The following SDK1 variants were observed in gnomAD, a reference collection of about 807,000 sequenced individuals.
The protein encoded by SDK1 is protein sidekick-1.
A neutral mutation model predicts 245.5 loss-of-function variants in SDK1; 157 were observed. That is an observed-to-expected ratio of 0.64 (90% CI 0.56 to 0.73). SDK1 has a LOEUF of 0.73. Ranked by LOEUF, SDK1 falls within the 30% of genes least tolerant of loss-of-function variation. The pLI is 0.00. For missense variants in SDK1, 3,583 were observed against 3,002.3 expected (o/e 1.19, Z -4.52); for synonymous variants, 1,647 against 1,278.5 (o/e 1.29, Z -6.15).
rs540676418 is a variant in SDK1 at position 3,808,858 on chromosome 7, A to T, written c.714-12592A>T. 3.3e-5 allele frequency among the ~76,000 whole-genome samples: 5 copies of T among 152,312 alleles called. No homozygotes were observed. The South Asian group carries it at 1.0e-3, about 32-fold the overall frequency. ...GTAGTAGCGTTCAGAAAGAAAAAAA[A>T]ATCATTAAAAATTGGATTTTCATAT... On this transcript the variant is annotated intron_variant, in intron 4 of 44. Coordinates refer to ENST00000404826, the MANE Select transcript of SDK1 (RefSeq NM_152744.4).
intron 17 of SDK1, among the ~76,000 whole-genome samples, chr7:4,048,457 G>A (rs147462896): frequency 1.1e-3 from 171 of 152,196 alleles, no homozygotes; most frequent in African/African-American, 4.0e-3. Context: ...AGCGAGACCC[G>A]CGCACTGTCA....
chr7:3,801,948 G>C (rs1779117234), intron 4 of SDK1, among the ~76,000 whole-genome samples: 1 of 152,202 alleles, frequency 6.6e-6, no homozygotes, highest in Non-Finnish European at 1.5e-5. Flanking sequence ...TTTTAGTTTA[G>C]ACTTTCTGCT....
intron 1 of SDK1, among the ~76,000 whole-genome samples, chr7:3,358,222 A>G (rs1010769987): frequency 3.3e-5 from 5 of 152,048 alleles, no homozygotes; most frequent in Non-Finnish European, 5.9e-5. Flanking sequence ...GGGTTTCACC[A>G]TGTTGGCCAG....
chr7:3,531,639 C>T (rs1027321274), intron 1 of SDK1, among the ~76,000 whole-genome samples: 2 of 152,120 alleles, frequency 1.3e-5, no homozygotes, highest in African/African-American at 4.8e-5. Context: ...ATCAGCCATA[C>T]TATTTTCTCC....
intron 1 of SDK1, among the ~76,000 whole-genome samples, chr7:3,306,618 A>C (rs1779423088): frequency 1.3e-5 from 2 of 152,180 alleles, no homozygotes; most frequent in South Asian, 4.1e-4. Context: ...GGGCCCTCAA[A>C]TACTGAGATA....
At chr7:4,029,351 T>C (rs10235315) in intron 17 of SDK1, among the ~76,000 whole-genome samples, 46,724 of 151,484 alleles carry the variant, frequency 0.31, 11,144 homozygotes, top group African/African-American at 0.67. Flanking sequence ...GCTGGGATTA[T>C]GGGCACGTGC....
chr7:4,211,378 C>T (rs917878445), intron 38 of SDK1, among the ~76,000 whole-genome samples: 1 of 151,652 alleles, frequency 6.6e-6, no homozygotes, highest in Non-Finnish European at 1.5e-5. Context: ...GTGAGGAGGC[C>T]GGCCGGGGCT....
intron 23 of SDK1, among the ~76,000 whole-genome samples, chr7:4,112,758 AT>A (rs10637008): frequency 0.014 from 2,108 of 147,016 alleles, 64 homozygotes; most frequent in African/African-American, 0.049. Context: ...TGCAATTTGC[AT>A]TTTTTTTTTT....
rs570145990 is a variant in SDK1, at chr7:3,428,247, GAA to G, written c.298+126364_298+126365del. On this transcript the variant is annotated intron_variant, in intron 1 of 44. Transcript: ENST00000404826. The stretch of plus-strand genomic sequence containing the variant: ...ATTGGTGCACTGAATAGCTAGTGGT[GAA>G]GTTTCTTTTATGTAATTATTATTGA... Among the ~76,000 whole-genome samples the G allele has an allele frequency of 4.1e-3, 626 of 152,284 alleles. 8 individuals are homozygous for G. The highest frequency in any genetic ancestry group is 0.018 in the South Asian group (89 of 4,822).
At chr7:3,417,314 C>G (rs1779401219) in intron 1 of SDK1, among the ~76,000 whole-genome samples, 1 of 152,194 alleles carries the variant, frequency 6.6e-6, no homozygotes, top group South Asian at 2.1e-4. Context: ...TGCCCCTGCC[C>G]ACCTCTCCAG....
chr7:3,676,863 C>T (rs150624459), intron 4 of SDK1, among the ~76,000 whole-genome samples: 21 of 152,294 alleles, frequency 1.4e-4, no homozygotes, highest in Non-Finnish European at 2.2e-4. Flanking sequence ...CTCCATTGGT[C>T]TGTGTGTCTA....
intron 5 of SDK1, among the ~76,000 whole-genome samples, chr7:3,867,867 T>C (rs1322252779): frequency 6.6e-6 from 1 of 152,228 alleles, no homozygotes; most frequent in Non-Finnish European, 1.5e-5. Flanking sequence ...TGACTATGCA[T>C]GGATCTCTGC....
At chr7:3,836,959 G>C (rs570284648) in intron 5 of SDK1, among the ~76,000 whole-genome samples, 2 of 152,038 alleles carry the variant, frequency 1.3e-5, no homozygotes, top group African/African-American at 2.4e-5. Flanking sequence ...TGGCCTCTCT[G>C]GGCATTGGGG....
intron 1 of SDK1, among the ~76,000 whole-genome samples, chr7:3,409,020 T>C (rs1408025056): frequency 6.6e-6 from 1 of 152,230 alleles, no homozygotes; most frequent in Admixed American, 6.5e-5. Flanking sequence ...AGTGCTGGCT[T>C]GTCAGGCTGC....
At chr7:3,355,900 T>G (rs1338222527) in intron 1 of SDK1, among the ~76,000 whole-genome samples, 1 of 152,196 alleles carries the variant, frequency 6.6e-6, no homozygotes, top group Non-Finnish European at 1.5e-5. Context: ...TCCTGCTGTT[T>G]GTTCTTTTTA....
chr7:3,774,592 C>G (rs1329881904), intron 4 of SDK1, among the ~76,000 whole-genome samples: 1 of 152,150 alleles, frequency 6.6e-6, no homozygotes, highest in African/African-American at 2.4e-5. Flanking sequence ...TAAGTAGCCT[C>G]CAGAGTTCCA....
At chr7:4,017,045 G>C in intron 16 of SDK1, 126 bp from the exon 17 acceptor site, 2 of 841,444 alleles carry the variant, frequency 2.4e-6, no homozygotes, top group East Asian at 2.8e-5. Context: ...GTTTAGGGCT[G>C]ACCTCTCAGC....
chr7:4,108,553 C>T (rs1319610707), intron 22 of SDK1, among the ~76,000 whole-genome samples: 1 of 152,166 alleles, frequency 6.6e-6, no homozygotes, highest in Non-Finnish European at 1.5e-5. Flanking sequence ...CTAATTACAC[C>T]ACCCTGTGGT....
intron 22 of SDK1, among the ~76,000 whole-genome samples, chr7:4,104,868 AT>A (rs150460698): frequency 7.3e-5 from 11 of 149,830 alleles, no homozygotes; most frequent in East Asian, 3.9e-4. Context: ...TGCCTGGCTA[AT>A]TTTTTTTTTA....
Sources: allele counts gnomAD v4.1 joint callset (sites outside exome capture counted in the v4.1 genomes callset), GRCh38; gene constraint gnomAD v4.1.1; transcripts MANE v1.5; gene names NCBI Gene and HGNC (gene_info 2026-07-23, HGNC 2026-07-21).